The following PLEKHG5 variants were observed in gnomAD, a reference collection of about 807,000 sequenced individuals.
PLEKHG5 encodes pleckstrin homology domain-containing family G member 5.
Under a neutral mutation model 103.8 loss-of-function variants are expected in PLEKHG5, and 52 were observed. The ratio of observed to expected loss-of-function variants is 0.50; its 90% CI spans 0.40 to 0.63. The LOEUF (loss-of-function observed/expected upper bound fraction) is 0.63, where lower values mean the gene tolerates loss of function less well. Among genes scored for constraint, PLEKHG5 ranks in the 30% least tolerant of loss-of-function variants. The pLI is 0.00. For missense variants in PLEKHG5, 1,205 were observed against 1,347.6 expected (o/e 0.89, Z 1.66); for synonymous variants, 592 against 575.5 (o/e 1.03, Z -0.41).
In PLEKHG5 at chr1:6,503,252, C is replaced by CA. The variant is rs1424113022; in HGVS notation, c.-164-6684dup. ...GCAACATAGAGAGACTCCATCTCTA[C>CA]AAAAACATTAAAAAACCAGCAGGGC... is the stretch of plus-strand genomic sequence containing the variant. On this transcript the variant is annotated intron_variant, in intron 1 of 21. Transcript: ENST00000377740. 2.0e-5 allele frequency among the ~76,000 whole-genome samples: 3 copies of CA among 152,078 alleles called. No individual in the cohort carries two copies. In the East Asian group the frequency reaches 5.8e-4, roughly 29 times the overall value.
At chr1:6,514,668 T>C (rs1252392457) in intron 1 of PLEKHG5, among the ~76,000 whole-genome samples, 1 of 145,714 alleles carries the variant, frequency 6.9e-6, no homozygotes, top group Admixed American at 6.9e-5. Context: ...GGCTGAGGCA[T>C]GAGAATTGCT....
chr1:6,477,443 A>AT (rs1245252667), intron 2 of PLEKHG5, 86 bp downstream of exon 2: 1 of 1,360,568 alleles, frequency 7.3e-7, no homozygotes, highest in East Asian at 2.3e-5. Context: ...ACTTGTCCTT[A>AT]TGACGCCCTA....
rs926041721 is a variant in PLEKHG5 at position 6,505,807 on chromosome 1, C to T, written c.-164-9238G>A. Among the ~76,000 whole-genome samples, 1 of 152,364 alleles carries T rather than the reference C, an allele frequency of 6.6e-6. No homozygotes were observed. The highest frequency in any genetic ancestry group is 6.5e-5 in the Admixed American group (1 of 15,314). On this transcript the variant is annotated intron_variant, in intron 1 of 21. Transcript: ENST00000377740. This position sits in a 1 kb window ranked among gnomAD's most constrained non-coding sequence, Gnocchi z 4.2. ...AGGCCAGCCCTGGAGGAAGGACAGC[C>T]TCCTCAGCTGCTTGCCTGCCCTCTG...
chr1:6,467,779 G>A (rs1644427859), intron 20 of PLEKHG5, 46 bp downstream of exon 20: 1 of 1,603,026 alleles, frequency 6.2e-7, no homozygotes. Flanking sequence ...GGGCCCCCAT[G>A]CCAGTGCCCT....
intron 1 of PLEKHG5, among the ~76,000 whole-genome samples, chr1:6,481,550 AATAAATAAATAAATAT>A (rs1557755107): frequency 9.9e-6 from 1 of 100,872 alleles, no homozygotes; most frequent in African/African-American, 6.3e-5. Flanking sequence ...TAAATAAATA[AATAAATAAATAAATAT>A]ATAAGTAAAT....
chr1:6,477,648 T>C lies in PLEKHG5; in HGVS notation c.-77A>G, dbSNP rs1644799203. Reference sequence around the variant, plus strand: ...GCGGTGCAGCTGCTGGCAGTCGGCGTGGTGACATACCTGGGGTGGGGACAG... The same window carrying C: ...GCGGTGCAGCTGCTGGCAGTCGGCGCGGTGACATACCTGGGGTGGGGACAG... On this transcript the variant is annotated 5_prime_UTR_variant, in exon 2 of 21. Coordinates refer to ENST00000377728, the MANE Select transcript of PLEKHG5 (RefSeq NM_020631.6). The C allele has an allele frequency of 6.2e-7, 1 of 1,604,818 alleles. No homozygotes were observed. Among genetic ancestry groups the C allele is most frequent in the South Asian group, 1.1e-5 (1 of 91,068 alleles).
chr1:6,481,553 A>AAAT, intron 1 of PLEKHG5, among the ~76,000 whole-genome samples: 1 of 147,912 alleles, frequency 6.8e-6, no homozygotes, highest in African/African-American at 2.5e-5. Flanking sequence ...ATAAATAAAT[A>AAAT]AATAAATAAA....
rs79464201 is a variant in PLEKHG5 at position 6,519,401 on chromosome 1, C to G, written c.-165+44G>C. The G allele has an allele frequency of 1.8e-3, 2,686 of 1,496,100 alleles. 33 individuals carry two copies. The African/African-American group carries it at 0.028, about 16-fold the overall frequency. 92.7% of individuals were successfully genotyped at this position (1,496,100 alleles called of 1,614,324 possible). ...AAAGCCCCTCCTTTCACTCTGTGTC[C>G]TCAAACCTCCTTTCTAGACAAAAGA... On this transcript the variant is annotated intron_variant, in intron 1 of 21. Transcript: ENST00000377740.
intron 9 of PLEKHG5, 113 bp from the exon 10 acceptor site, chr1:6,472,735 C>T: frequency 1.2e-6 from 1 of 825,074 alleles, no homozygotes; most frequent in East Asian, 2.7e-5. Context: ...CATGGAGGTC[C>T]CAAGAGGAGC....
At chr1:6,511,026 T>C (rs1415423618) in intron 1 of PLEKHG5, among the ~76,000 whole-genome samples, 2 of 151,876 alleles carry the variant, frequency 1.3e-5, no homozygotes, top group Non-Finnish European at 2.9e-5. Flanking sequence ...GAGGCAGAAG[T>C]TGTAGTGAGC....
Position 6,474,076 on chromosome 1 carries a change from C to T in PLEKHG5, c.528G>A (p.Gly176=), listed in dbSNP as rs1183831062. 3 of 1,612,154 alleles carry T rather than the reference C, an allele frequency of 1.9e-6. No individual in the cohort carries two copies. Among genetic ancestry groups the T allele is most frequent in the Admixed American group, 1.7e-5 (1 of 59,936 alleles). The stretch of plus-strand genomic sequence containing the variant: ...CACGCTCCAGGGCGGGGGGCCCGGT[C>T]CCAGCTGGCCGCAGAATCGGCAAAC... ...SLSLPILRPA[G]TGPPALERVD... The change falls in exon 7 of 21, where the codon GGG becomes GGA. Residue 176 remains glycine, a synonymous_variant. Coordinates refer to ENST00000377728, the MANE Select transcript of PLEKHG5 (RefSeq NM_020631.6).
chr1:6,492,066 A>G (rs1186300931), upstream of PLEKHG5, among the ~76,000 whole-genome samples: 1 of 152,204 alleles, frequency 6.6e-6, no homozygotes, highest in Non-Finnish European at 1.5e-5. Flanking sequence ...CTTGCTTGGC[A>G]AGTCATTTTA....
At chr1:6,512,587 C>T (rs903369440) in intron 1 of PLEKHG5, among the ~76,000 whole-genome samples, 8 of 152,248 alleles carry the variant, frequency 5.3e-5, no homozygotes, top group Admixed American at 4.6e-4. Context: ...CAGCTGCAGC[C>T]TCGGGACAAC....
At chr1:6,471,362 G>A in intron 12 of PLEKHG5, 126 bp downstream of exon 12, 1 of 1,123,638 alleles carries the variant, frequency 8.9e-7, no homozygotes, top group Non-Finnish European at 1.3e-6. Context: ...TGGCCACAAG[G>A]GGTCAAGTGC....
At chr1:6,495,982 C>T (rs1365043848), upstream of PLEKHG5, among the ~76,000 whole-genome samples, 3 of 152,222 alleles carry the variant, frequency 2.0e-5, no homozygotes, top group African/African-American at 7.2e-5. Context: ...ACTCCCAGCT[C>T]CCAAGCCCTG....
intron 1 of PLEKHG5, among the ~76,000 whole-genome samples, chr1:6,504,371 T>C (rs1420583116): frequency 6.6e-6 from 1 of 151,696 alleles, no homozygotes; most frequent in Non-Finnish European, 1.5e-5. Context: ...TGTCCTGCCC[T>C]CCCTGCCTTC....
chr1:6,482,890 GT>G (rs928323137), intron 1 of PLEKHG5, among the ~76,000 whole-genome samples: 9 of 152,136 alleles, frequency 5.9e-5, no homozygotes, highest in African/African-American at 7.2e-5. Context: ...TGGATTTTGA[GT>G]AGAGACGGGG....
chr1:6,468,384 C>G lies in PLEKHG5; in HGVS notation c.2452G>C (p.Ala818Pro). 1 of 1,610,416 alleles carries G rather than the reference C, an allele frequency of 6.2e-7. No individual in the cohort carries two copies. Among genetic ancestry groups the G allele is most frequent in the Non-Finnish European group, 8.5e-7 (1 of 1,178,688 alleles). Residue 818 changes from alanine (A) to proline (P), a missense_variant, in exon 20 of 21, where the codon GCC becomes CCC. Coordinates refer to ENST00000377728, the MANE Select transcript of PLEKHG5 (RefSeq NM_020631.6). ...GAGGTTGGGGAGAGGGTGCCGTAGG[C>G]AGAGTCCATGGAGCAGGAGCGGCCG... ...VDGRSCSMDS[A>P]YGTLSPTSLQ... is the part of the protein sequence containing the mutation.
intron 1 of PLEKHG5, among the ~76,000 whole-genome samples, chr1:6,516,491 T>C (rs910726809): frequency 1.3e-5 from 2 of 150,566 alleles, no homozygotes; most frequent in Non-Finnish European, 3.0e-5. Context: ...ACCCCATCTC[T>C]ACTAAAAATA....
Sources: gnomAD v4.1 joint callset for allele counts (sites outside exome capture counted in the v4.1 genomes callset) on GRCh38, gnomAD v4.1.1 for gene constraint, Gnocchi (gnomAD v3.1) non-coding constraint, MANE v1.5 for transcripts, NCBI Gene and HGNC (gene_info 2026-07-23, HGNC 2026-07-21) for gene names.